CABIN1: variants seen among roughly 807,000 people sequenced by gnomAD.
CABIN1 encodes calcineurin-binding protein cabin-1.
In CABIN1, 133 loss-of-function variants were observed where a neutral mutation model predicts 227.7. That is an observed-to-expected ratio of 0.58 (90% CI 0.51 to 0.67). The LOEUF (loss-of-function observed/expected upper bound fraction) is 0.67. CABIN1 is among the 30% of genes least tolerant of loss of function. The probability of loss-of-function intolerance (pLI) is 0.00; values close to 1 mark genes in which losing one functional copy is unlikely to be tolerated. For missense variants in CABIN1, 2,408 were observed against 2,852.5 expected (o/e 0.84, Z 3.55); for synonymous variants, 1,086 against 1,155.1 (o/e 0.94, Z 1.21).
At chr22:24,087,350 G>C in intron 22 of CABIN1, 102 bp from the exon 23 acceptor site, 2 of 1,478,274 alleles carry the variant, frequency 1.4e-6, no homozygotes. Flanking sequence ...GTGTGGGAAG[G>C]GAGTTTCCAT....
At chr22:24,094,327 G>A (rs2041742999) in intron 24 of CABIN1, among the ~76,000 whole-genome samples, 1 of 152,204 alleles carries the variant, frequency 6.6e-6, no homozygotes, top group African/African-American at 2.4e-5. Context: ...CAGGCAGGAT[G>A]GTAGCCCCAG....
At chr22:24,035,572 T>C (rs2036811870) in intron 2 of CABIN1, 52 bp downstream of exon 2, 1 of 1,611,122 alleles carries the variant, frequency 6.2e-7, no homozygotes, top group East Asian at 2.2e-5. Flanking sequence ...TTTTGTTACG[T>C]TACTCCTGGG....
At chr22:24,125,100 C>A (rs148893896) in intron 28 of CABIN1, among the ~76,000 whole-genome samples, 45 of 152,328 alleles carry the variant, frequency 3.0e-4, no homozygotes, top group African/African-American at 1.0e-3. Flanking sequence ...GATGATTCCA[C>A]TCAGATGAGG....
intron 19 of CABIN1, among the ~76,000 whole-genome samples, chr22:24,080,423 G>A (rs1026660827): frequency 1.2e-4 from 18 of 152,174 alleles, no homozygotes; most frequent in African/African-American, 3.9e-4. Context: ...ACCCCCTAAC[G>A]CAAACCTGCC....
intron 15 of CABIN1, among the ~76,000 whole-genome samples, chr22:24,066,634 A>C (rs373273849): frequency 6.6e-6 from 1 of 152,152 alleles, no homozygotes; most frequent in East Asian, 1.9e-4. Flanking sequence ...AGTCTCTGAC[A>C]ACCCGATGTT....
intron 28 of CABIN1, among the ~76,000 whole-genome samples, chr22:24,123,419 C>T (rs957931584): frequency 6.6e-6 from 1 of 152,324 alleles, no homozygotes; most frequent in East Asian, 1.9e-4. Flanking sequence ...CAGGTAGCCT[C>T]GGGCCACTGA....
intron 29 of CABIN1, among the ~76,000 whole-genome samples, chr22:24,151,024 AG>A (rs2045452197): frequency 2.6e-5 from 4 of 152,172 alleles, no homozygotes; most frequent in Admixed American, 2.6e-4. Flanking sequence ...GAGGCAACAC[AG>A]GGGATTGAAG....
intron 30 of CABIN1, 147 bp downstream of exon 30, chr22:24,164,710 C>T: frequency 1.0e-6 from 1 of 989,708 alleles, no homozygotes; most frequent in Non-Finnish European, 1.5e-6. Context: ...TTGGGGGCCT[C>T]TCTGTCCCAG....
intron 29 of CABIN1, among the ~76,000 whole-genome samples, chr22:24,164,049 G>A (rs1366361826): frequency 3.9e-5 from 6 of 152,224 alleles, no homozygotes; most frequent in Non-Finnish European, 8.8e-5. Flanking sequence ...GTAAGCACCT[G>A]TGCAGGGAGG....
intron 11 of CABIN1, among the ~76,000 whole-genome samples, chr22:24,059,643 A>G (rs1274716755): frequency 6.6e-6 from 1 of 152,182 alleles, no homozygotes; most frequent in Non-Finnish European, 1.5e-5. Context: ...ATCAGTGTAT[A>G]ACTGTTGAGT....
At chr22:24,069,267 T>G (rs1325640855) in intron 16 of CABIN1, among the ~76,000 whole-genome samples, 1 of 152,240 alleles carries the variant, frequency 6.6e-6, no homozygotes, top group Non-Finnish European at 1.5e-5. Flanking sequence ...TTTCCATGTA[T>G]TCCTACGTTG....
intron 1 of CABIN1, among the ~76,000 whole-genome samples, chr22:24,018,864 T>C (rs1342929220): frequency 6.6e-6 from 1 of 152,140 alleles, no homozygotes; most frequent in Non-Finnish European, 1.5e-5. Flanking sequence ...AGAACTGACA[T>C]CTTTATATTT....
At chr22:24,051,791 G>A (rs959446039) in intron 8 of CABIN1, among the ~76,000 whole-genome samples, 4 of 152,062 alleles carry the variant, frequency 2.6e-5, no homozygotes, top group African/African-American at 7.2e-5. Context: ...CTCTCTCATA[G>A]GGTTGTCATG....
Position 24,060,161 on chromosome 22 carries a change from G to T in CABIN1, c.1617+20G>T. 1 of 1,607,972 alleles carries T rather than the reference G, an allele frequency of 6.2e-7. No homozygotes were observed. Among genetic ancestry groups the T allele is most frequent in the South Asian group, 1.1e-5 (1 of 90,698 alleles). On this transcript the variant is annotated intron_variant, in intron 12 of 36. Coordinates refer to ENST00000263119, the MANE Select transcript of CABIN1 (RefSeq NM_012295.4). Reference sequence around the variant, plus strand: ...ATCAAGGTTAGGGGGAGCCTCTCAAGGGCTGGTATTGAACTGGGACCAGGG... The same window carrying T: ...ATCAAGGTTAGGGGGAGCCTCTCAATGGCTGGTATTGAACTGGGACCAGGG...
At chr22:24,012,519 G>A (rs1447163069) in intron 1 of CABIN1, among the ~76,000 whole-genome samples, 1 of 152,076 alleles carries the variant, frequency 6.6e-6, no homozygotes, top group African/African-American at 2.4e-5. Flanking sequence ...TAAGACATAG[G>A]CTTCCCACCT....
At position 24,101,694 on chromosome 22, in the gene CABIN1, G is replaced by A. The variant is rs190872962; in HGVS notation, c.4117+3502G>A. The A allele has an allele frequency of 6.7e-4, 102 of 152,382 alleles. 1 individual carries two copies. Among genetic ancestry groups the A allele is most frequent in the African/African-American group, 2.3e-3 (97 of 41,574 alleles). 9.4% of individuals were successfully genotyped at this position (152,382 alleles called of 1,614,324 possible). A position where few individuals can be genotyped will look rare whatever the true frequency, so the allele number is the denominator to read the frequency against. On this transcript the variant is annotated intron_variant, in intron 26 of 36. Coordinates refer to ENST00000263119, the MANE Select transcript of CABIN1 (RefSeq NM_012295.4). ...TCAATCTCTTGGAATTTGCCCACAG[G>A]GCTGAAATCCCTAATGTTGAAGCTT...
At chr22:24,157,282 C>T (rs1332260058) in intron 29 of CABIN1, among the ~76,000 whole-genome samples, 1 of 152,180 alleles carries the variant, frequency 6.6e-6, no homozygotes, top group Non-Finnish European at 1.5e-5. Context: ...CTCAGCTCCT[C>T]AGGGCATCAG....
At chr22:24,014,478 T>C (rs2035089414) in intron 1 of CABIN1, among the ~76,000 whole-genome samples, 1 of 151,852 alleles carries the variant, frequency 6.6e-6, no homozygotes, top group African/African-American at 2.4e-5. Context: ...TGTTCCAGGC[T>C]CATCTTGTGT....
intron 28 of CABIN1, among the ~76,000 whole-genome samples, chr22:24,124,962 A>C (rs1195932587): frequency 6.6e-6 from 1 of 152,200 alleles, no homozygotes; most frequent in East Asian, 1.9e-4. Context: ...CAAATCTATA[A>C]TATACTAATC....
Sources: gnomAD v4.1 joint callset for allele counts (sites outside exome capture counted in the v4.1 genomes callset) on GRCh38, gnomAD v4.1.1 for gene constraint, MANE v1.5 for transcripts, NCBI Gene and HGNC (gene_info 2026-07-23, HGNC 2026-07-21) for gene names.